PTK2B: variants seen among roughly 807,000 people sequenced by gnomAD.
PTK2B encodes the protein protein tyrosine kinase 2 beta.
PTK2B carries 71 observed loss-of-function variants against 142.9 expected under a neutral mutation model. The observed-to-expected ratio is 0.50, with a 90% confidence interval of 0.41 to 0.61. The LOEUF is 0.61. Ranked by LOEUF, PTK2B falls within the 20% of genes least tolerant of loss-of-function variation. The pLI is 0.00. For synonymous variants in PTK2B, 519 were observed against 503.4 expected (o/e 1.03, Z -0.42); for missense variants, 1,105 against 1,320.4 (o/e 0.84, Z 2.53).
chr8:27,335,572 G>C (rs1467109269), intron 1 of PTK2B, among the ~76,000 whole-genome samples: 2 of 150,376 alleles, frequency 1.3e-5, no homozygotes, highest in African/African-American at 4.9e-5. Context: ...AGCCTAGCTG[G>C]GCAAAAGAGC....
At chr8:27,394,660 A>T (rs1340395659) in intron 1 of PTK2B, among the ~76,000 whole-genome samples, 2 of 152,202 alleles carry the variant, frequency 1.3e-5, no homozygotes, top group Non-Finnish European at 2.9e-5. Flanking sequence ...TTAGTAATAG[A>T]TTAACCTTAG....
chr8:27,370,913 T>A lies in PTK2B; in HGVS notation c.-37-26635T>A, dbSNP rs543974608. Among the ~76,000 whole-genome samples, 45 of 152,268 alleles carry A rather than the reference T, an allele frequency of 3.0e-4. 1 individual carries two copies. The highest frequency in any genetic ancestry group is 6.8e-3 in the Middle Eastern group (2 of 294). On this transcript the variant is annotated intron_variant, in intron 1 of 30. Transcript: ENST00000346049. ...CAAGTTAGTCTTTTTAGTTTATTTT[T>A]ATTTTTTTTTGAGGCAGAGTTGCCC...
rs1353092058 is a variant in PTK2B, at chr8:27,368,622, A to G, written c.-37-28926A>G. Among the ~76,000 whole-genome samples the G allele has an allele frequency of 3.3e-5, 5 of 152,238 alleles. No homozygotes were observed. In the East Asian group the frequency reaches 9.6e-4, roughly 29 times the overall value. ...CCTGCTTACATGTGCAATCACACAC[A>G]AGCTCTTAACACAGACACTTAGCAA... is the stretch of plus-strand genomic sequence containing the variant. On this transcript the variant is annotated intron_variant, in intron 1 of 30. Coordinates refer to ENST00000346049, the MANE Select transcript of PTK2B (RefSeq NM_173176.3).
chr8:27,353,798 T>C (rs1346260789), intron 1 of PTK2B, among the ~76,000 whole-genome samples: 1 of 152,202 alleles, frequency 6.6e-6, no homozygotes, highest in African/African-American at 2.4e-5. Context: ...CTGTAAGATA[T>C]TTCCCAAGAG....
intron 1 of PTK2B, among the ~76,000 whole-genome samples, chr8:27,328,242 T>C (rs896175882): frequency 2.6e-5 from 4 of 152,182 alleles, no homozygotes; most frequent in Non-Finnish European, 5.9e-5. Context: ...CCAGATAAAA[T>C]ATTCAGCGCA....
intron 1 of PTK2B, among the ~76,000 whole-genome samples, chr8:27,361,208 T>A (rs1038162392): frequency 6.6e-6 from 1 of 152,200 alleles, no homozygotes; most frequent in African/African-American, 2.4e-5. Context: ...TTTTTATTTC[T>A]TTTTTGTTTC....
intron 1 of PTK2B, among the ~76,000 whole-genome samples, chr8:27,383,262 G>A (rs1248440784): frequency 2.0e-5 from 3 of 151,172 alleles, no homozygotes; most frequent in South Asian, 2.1e-4. Context: ...CCCAACACAC[G>A]CCGAGATGGA....
At chr8:27,359,477 T>G (rs1478620326) in intron 1 of PTK2B, among the ~76,000 whole-genome samples, 5 of 152,220 alleles carry the variant, frequency 3.3e-5, no homozygotes, top group African/African-American at 1.2e-4. Context: ...GATTTTCTAA[T>G]CTATAACGTG....
intron 1 of PTK2B, among the ~76,000 whole-genome samples, chr8:27,396,484 A>T (rs1808059983): frequency 6.6e-6 from 1 of 152,250 alleles, no homozygotes; most frequent in Non-Finnish European, 1.5e-5. Flanking sequence ...TTTCCAACCC[A>T]GGCCAAACGT....
intron 1 of PTK2B, among the ~76,000 whole-genome samples, chr8:27,345,105 C>T (rs1804636257): frequency 6.6e-6 from 1 of 152,152 alleles, no homozygotes; most frequent in East Asian, 1.9e-4. Context: ...AAAGGTTGCA[C>T]TAAGCCAAGA....
intron 30 of PTK2B, among the ~76,000 whole-genome samples, chr8:27,455,127 G>A (rs765732000): frequency 6.6e-6 from 1 of 152,082 alleles, no homozygotes; most frequent in Non-Finnish European, 1.5e-5. Context: ...CTGAAAACAT[G>A]CCACCTTCCA....
chr8:27,335,528 G>A (rs950195817), intron 1 of PTK2B, among the ~76,000 whole-genome samples: 1 of 151,120 alleles, frequency 6.6e-6, no homozygotes, highest in African/African-American at 2.4e-5. Context: ...GTAGGCGGAG[G>A]TTGCAGTGAG....
chr8:27,311,049 G>C (rs995193521), upstream of PTK2B: 3 of 1,599,052 alleles, frequency 1.9e-6, no homozygotes, highest in South Asian at 2.2e-5. Flanking sequence ...GGTGACGCGC[G>C]GTCTTTGCAC....
intron 3 of PTK2B, among the ~76,000 whole-genome samples, chr8:27,315,570 A>G: frequency 6.6e-6 from 1 of 150,962 alleles, no homozygotes; most frequent in East Asian, 1.9e-4. Context: ...TTGTGAATCG[A>G]TATGTGTTGC....
At chr8:27,329,899 G>T (rs28714987) in intron 1 of PTK2B, among the ~76,000 whole-genome samples, 270 of 152,258 alleles carry the variant, frequency 1.8e-3, no homozygotes, top group African/African-American at 6.3e-3. Context: ...GGCTTTGGGT[G>T]AGGGTGGCAT....
Position 27,440,449 on chromosome 8 carries a change from T to C in PTK2B, c.2039+8T>C, listed in dbSNP as rs1563292447. 2 of 1,612,868 alleles carry C rather than the reference T, an allele frequency of 1.2e-6. No individual in the cohort carries two copies. The highest frequency in any genetic ancestry group is 8.5e-7 in the Non-Finnish European group (1 of 1,179,792). ...GCTGGTGTGCAGCCTCAGGTGAGCA[T>C]GGAGTGTGGGCTGTGGGCTGGGGGC... is the stretch of plus-strand genomic sequence containing the variant. On this transcript the variant is annotated splice_region_variant and intron_variant, in intron 21 of 30. Coordinates refer to ENST00000346049, the MANE Select transcript of PTK2B (RefSeq NM_173176.3).
Position 27,437,175 on chromosome 8 carries a change from G to A in PTK2B, c.1395G>A (p.Leu465=). Reference sequence around the variant, plus strand: ...AGACCTGCAAGAAAGACTGCACTCTGGACAACAAGGAGAAGTTCATGAGCG... The same window carrying A: ...AGACCTGCAAGAAAGACTGCACTCTAGACAACAAGGAGAAGTTCATGAGCG... ...AVKTCKKDCT[L]DNKEKFMSEA... Residue 465 remains leucine (L), a synonymous_variant, in exon 16 of 31, where the codon CTG becomes CTA. Transcript: ENST00000346049. The A allele has an allele frequency of 6.2e-7, 1 of 1,614,020 alleles. No homozygotes were observed. The highest frequency in any genetic ancestry group is 1.1e-5 in the South Asian group (1 of 91,072).
chr8:27,405,035 C>CTCTCTCTCT (rs3076735), intron 2 of PTK2B, among the ~76,000 whole-genome samples: 3 of 119,570 alleles, frequency 2.5e-5, no homozygotes, highest in African/African-American at 6.9e-5. Flanking sequence ...TCTTTCTCTT[C>CTCTCTCTCT]CTCTCTCTCT....
At chr8:27,432,481 G>A in intron 10 of PTK2B, 120 bp downstream of exon 10, 1 of 860,930 alleles carries the variant, frequency 1.2e-6, no homozygotes, top group Non-Finnish European at 1.8e-6. Flanking sequence ...TCCTGGCTTT[G>A]GGGATCGTGT....
Sources: allele counts gnomAD v4.1 joint callset (sites outside exome capture counted in the v4.1 genomes callset), GRCh38; gene constraint gnomAD v4.1.1; transcripts MANE v1.5; gene names NCBI Gene and HGNC (gene_info 2026-07-23, HGNC 2026-07-21).